The following PPP2R5E variants were observed in gnomAD, a reference collection of about 807,000 sequenced individuals.
PPP2R5E encodes serine/threonine-protein phosphatase 2A 56 kDa regulatory subunit epsilon isoform.
Under a neutral mutation model 65.3 loss-of-function variants are expected in PPP2R5E, and 4 were observed. The observed-to-expected ratio is 0.06, with a 90% CI of 0.03 to 0.14. PPP2R5E has a LOEUF of 0.14. Ranked by LOEUF, PPP2R5E falls within the 10% of genes least tolerant of loss-of-function variation. PPP2R5E has a pLI of 1.00. For missense variants in PPP2R5E, 274 were observed against 556.1 expected (o/e 0.49, Z 5.10); for synonymous variants, 183 against 187.4 (o/e 0.98, Z 0.19).
intron 2 of PPP2R5E, among the ~76,000 whole-genome samples, chr14:63,522,812 T>A (rs1292194840): frequency 2.4e-4 from 33 of 135,596 alleles, no homozygotes; most frequent in African/African-American, 6.9e-4. Flanking sequence ...AGGAAGGAGG[T>A]GGGGGTCACC....
chr14:63,484,334 T>TTCTCTC (rs1322678985), intron 2 of PPP2R5E, among the ~76,000 whole-genome samples: 7 of 125,234 alleles, frequency 5.6e-5, no homozygotes, highest in East Asian at 2.3e-4. Context: ...TTCTTTCTCT[T>TTCTCTC]TCTCTCTCTC....
At chr14:63,519,668 C>CTTTT in intron 2 of PPP2R5E, among the ~76,000 whole-genome samples, 1 of 140,352 alleles carries the variant, frequency 7.1e-6, no homozygotes, top group African/African-American at 2.6e-5. Flanking sequence ...GACAAACTCT[C>CTTTT]TTTTTTTTTT....
chr14:63,377,146 C>T (rs1292554337), intron 13 of PPP2R5E, among the ~76,000 whole-genome samples: 2 of 148,462 alleles, frequency 1.3e-5, no homozygotes, highest in African/African-American at 2.5e-5. Flanking sequence ...AAGACTCCGT[C>T]TCCAAAAAAA....
intron 3 of PPP2R5E, among the ~76,000 whole-genome samples, chr14:63,435,352 C>CT (rs1036643845): frequency 9.2e-5 from 14 of 151,642 alleles, no homozygotes; most frequent in Admixed American, 2.0e-4. Flanking sequence ...ATGGGTGATT[C>CT]TTTTTTTTGA....
chr14:63,458,292 A>C (rs1251285117), intron 2 of PPP2R5E, among the ~76,000 whole-genome samples: 1 of 152,242 alleles, frequency 6.6e-6, no homozygotes, highest in African/African-American at 2.4e-5. Flanking sequence ...TTGCAGAAGT[A>C]GCTCATTCTT....
At chr14:63,409,895 G>A (rs908358805) in intron 5 of PPP2R5E, among the ~76,000 whole-genome samples, 1 of 152,182 alleles carries the variant, frequency 6.6e-6, no homozygotes, top group Non-Finnish European at 1.5e-5. Flanking sequence ...ACTGCAAGTA[G>A]GCAGAGAAGC....
intron 4 of PPP2R5E, among the ~76,000 whole-genome samples, chr14:63,417,070 A>T (rs2098639829): frequency 6.6e-6 from 1 of 152,244 alleles, no homozygotes. Context: ...ACTTTGTTAC[A>T]CTAAAATCCA....
At chr14:63,502,497 T>A (rs759682116) in intron 2 of PPP2R5E, among the ~76,000 whole-genome samples, 3 of 151,814 alleles carry the variant, frequency 2.0e-5, no homozygotes, top group Non-Finnish European at 4.4e-5. Context: ...TGAAACCCCA[T>A]CTCTATTAAA....
chr14:63,527,429 G>A (rs1456975782), intron 2 of PPP2R5E, among the ~76,000 whole-genome samples: 2 of 152,154 alleles, frequency 1.3e-5, no homozygotes, highest in East Asian at 1.9e-4. Flanking sequence ...TCCATGTAAC[G>A]TGTTAAAGGA....
intron 2 of PPP2R5E, among the ~76,000 whole-genome samples, chr14:63,518,248 T>G (rs970668238): frequency 2.0e-5 from 3 of 151,978 alleles, no homozygotes; most frequent in African/African-American, 7.3e-5. Context: ...GCCCAGATTT[T>G]TTTGTTTGTT....
chr14:63,376,369 T>A (rs1485244934), intron 13 of PPP2R5E, among the ~76,000 whole-genome samples: 1 of 152,192 alleles, frequency 6.6e-6, no homozygotes, highest in Non-Finnish European at 1.5e-5. Flanking sequence ...TCAAAAAGGA[T>A]GCTGGAGATG....
At chr14:63,461,824 G>A (rs868675272) in intron 2 of PPP2R5E, among the ~76,000 whole-genome samples, 8 of 144,910 alleles carry the variant, frequency 5.5e-5, no homozygotes, top group Non-Finnish European at 7.4e-5. Context: ...TAAAAAGGAG[G>A]GTTAGCAATT....
At chr14:63,518,829 G>A (rs1003560934) in intron 2 of PPP2R5E, among the ~76,000 whole-genome samples, 1 of 152,038 alleles carries the variant, frequency 6.6e-6, no homozygotes. Flanking sequence ...ATAAGAATAT[G>A]CAGGCTGCTC....
chr14:63,417,635 T>C (rs1217018272), intron 4 of PPP2R5E, among the ~76,000 whole-genome samples: 4 of 152,234 alleles, frequency 2.6e-5, no homozygotes, highest in African/African-American at 4.8e-5. Context: ...TTTTTAAATG[T>C]GTGCTTGAGG....
chr14:63,406,759 C>T (rs943189074), intron 5 of PPP2R5E, among the ~76,000 whole-genome samples: 1 of 152,132 alleles, frequency 6.6e-6, no homozygotes, highest in African/African-American at 2.4e-5. Flanking sequence ...AATCAGTTGG[C>T]AAAGTGGAAC....
chr14:63,383,415 T>G (rs1884482294), intron 12 of PPP2R5E, among the ~76,000 whole-genome samples: 2 of 152,216 alleles, frequency 1.3e-5, no homozygotes, highest in Non-Finnish European at 2.9e-5. Flanking sequence ...TCTGTTAAGG[T>G]TCCAGAATGA....
chr14:63,393,763 A>C (rs1885162719), intron 8 of PPP2R5E, 57 bp downstream of exon 8: 1 of 1,233,114 alleles, frequency 8.1e-7, no homozygotes, highest in Non-Finnish European at 1.2e-6. Flanking sequence ...TATCAAAAAA[A>C]CGAGTTTGCA....
chr14:63,519,693 GCT>G (rs887573541), intron 2 of PPP2R5E, among the ~76,000 whole-genome samples: 1 of 148,162 alleles, frequency 6.7e-6, no homozygotes, highest in Non-Finnish European at 1.5e-5. Flanking sequence ...AGACAGAGTT[GCT>G]CTGTTACCGA....
intron 2 of PPP2R5E, among the ~76,000 whole-genome samples, chr14:63,521,358 C>T (rs1238904008): frequency 6.6e-6 from 1 of 152,072 alleles, no homozygotes; most frequent in East Asian, 1.9e-4. Context: ...TTCTAGAAGA[C>T]GGGTTACTAT....
Sources: allele counts gnomAD v4.1 joint callset (sites outside exome capture counted in the v4.1 genomes callset), GRCh38; gene constraint gnomAD v4.1.1; transcripts MANE v1.5; gene names NCBI Gene and HGNC (gene_info 2026-07-23, HGNC 2026-07-21).